CEP112: variants seen among roughly 807,000 people sequenced by gnomAD.
CEP112 encodes centrosomal protein 112, also known as centrosomal protein of 112 kDa.
A neutral mutation model predicts 153.0 loss-of-function variants in CEP112; 127 were observed. The ratio of observed to expected loss-of-function variants is 0.83; its 90% CI spans 0.72 to 0.96. The LOEUF is 0.96. Ranked by LOEUF, CEP112 falls within the 40% of genes least tolerant of loss-of-function variation. The pLI is 0.00. For synonymous variants in CEP112, 358 were observed against 374.4 expected, an observed-to-expected ratio of 0.96 and a Z score of 0.51; for missense variants, 1,089 against 1,101.2, an observed-to-expected ratio of 0.99 and a Z score of 0.16.
At chr17:65,925,930 C>G (rs1430893785) in intron 19 of CEP112, among the ~76,000 whole-genome samples, 5 of 152,104 alleles carry the variant, frequency 3.3e-5, no homozygotes, top group Non-Finnish European at 7.4e-5. Flanking sequence ...CTTTTTTGTT[C>G]TAAGCCACTG....
chr17:65,639,593 G>T (rs1250493432), intron 25 of CEP112, among the ~76,000 whole-genome samples: 1 of 151,034 alleles, frequency 6.6e-6, no homozygotes, highest in Non-Finnish European at 1.5e-5. Context: ...GCAGAGGCAG[G>T]AGAATCGCTT....
At chr17:65,821,772 G>A (rs1199714882) in intron 21 of CEP112, among the ~76,000 whole-genome samples, 4 of 150,130 alleles carry the variant, frequency 2.7e-5, no homozygotes, top group Admixed American at 6.7e-5. Flanking sequence ...GGCTGTTCTC[G>A]AACTCCTGAC....
chr17:66,144,788 T>C (rs1190417951), intron 4 of CEP112, among the ~76,000 whole-genome samples: 1 of 152,216 alleles, frequency 6.6e-6, no homozygotes, highest in African/African-American at 2.4e-5. Flanking sequence ...TTTATGGACA[T>C]TTAGATTGTT....
intron 23 of CEP112, among the ~76,000 whole-genome samples, chr17:65,737,512 G>C (rs781137049): frequency 7.9e-5 from 12 of 152,182 alleles, no homozygotes; most frequent in Non-Finnish European, 1.5e-4. Context: ...CTGAGGAAAG[G>C]ACTTCAGAGA....
chr17:66,006,235 CG>C (rs1340947397), intron 16 of CEP112, among the ~76,000 whole-genome samples: 2 of 152,014 alleles, frequency 1.3e-5, no homozygotes, highest in East Asian at 3.9e-4. Context: ...CCCCACTCCC[CG>C]CACCATGCCT....
At chr17:65,694,456 T>C (rs746788306) in intron 23 of CEP112, among the ~76,000 whole-genome samples, 1 of 152,234 alleles carries the variant, frequency 6.6e-6, no homozygotes, top group Non-Finnish European at 1.5e-5. Context: ...TCAAATTACA[T>C]TTGCTTTTCA....
chr17:65,808,462 G>T (rs903491796), intron 21 of CEP112, among the ~76,000 whole-genome samples: 1 of 152,130 alleles, frequency 6.6e-6, no homozygotes, highest in African/African-American at 2.4e-5. Context: ...GGAGGGGTCA[G>T]GGATAGAATG....
At chr17:65,719,883 G>A in intron 23 of CEP112, among the ~76,000 whole-genome samples, 1 of 152,218 alleles carries the variant, frequency 6.6e-6, no homozygotes, top group East Asian at 1.9e-4. Context: ...AGGGCCGTGG[G>A]GACCCAGTGA....
chr17:65,783,615 T>C (rs1233244304), intron 21 of CEP112, among the ~76,000 whole-genome samples: 1 of 152,240 alleles, frequency 6.6e-6, no homozygotes, highest in Non-Finnish European at 1.5e-5. Context: ...AGAGTGTATC[T>C]AGTTTTCCAG....
At chr17:66,000,179 C>G (rs2063962945) in intron 17 of CEP112, among the ~76,000 whole-genome samples, 1 of 151,968 alleles carries the variant, frequency 6.6e-6, no homozygotes, top group Non-Finnish European at 1.5e-5. Flanking sequence ...CTAATTTACA[C>G]TCCCAACAGT....
intron 21 of CEP112, among the ~76,000 whole-genome samples, chr17:65,836,285 T>C (rs537275931): frequency 1.3e-5 from 2 of 152,328 alleles, no homozygotes; most frequent in South Asian, 2.1e-4. Context: ...AACTCTTTCC[T>C]ATCAATAATA....
At chr17:65,932,352 C>A (rs1316820948) in intron 18 of CEP112, among the ~76,000 whole-genome samples, 3 of 151,598 alleles carry the variant, frequency 2.0e-5, no homozygotes, top group Non-Finnish European at 2.9e-5. Flanking sequence ...ACAAAGATTA[C>A]AAAAAAAATC....
intron 21 of CEP112, among the ~76,000 whole-genome samples, chr17:65,825,857 A>T (rs1040277645): frequency 2.6e-5 from 4 of 152,200 alleles, no homozygotes; most frequent in African/African-American, 9.6e-5. Flanking sequence ...AGAAAATGCC[A>T]TTAGCTCACA....
chr17:65,718,431 A>AT (rs1017845675), intron 23 of CEP112, among the ~76,000 whole-genome samples: 2 of 151,454 alleles, frequency 1.3e-5, no homozygotes, highest in African/African-American at 4.9e-5. Flanking sequence ...AAAATTTACT[A>AT]TTTTTTCTGT....
chr17:65,708,101 C>T (rs2049003429), intron 23 of CEP112, among the ~76,000 whole-genome samples: 1 of 152,072 alleles, frequency 6.6e-6, no homozygotes, highest in African/African-American at 2.4e-5. Context: ...AACCAAACAT[C>T]TAAAGCTTAA....
chr17:65,835,012 C>T (rs2057244957), intron 21 of CEP112, among the ~76,000 whole-genome samples: 1 of 151,964 alleles, frequency 6.6e-6, no homozygotes, highest in African/African-American at 2.4e-5. Flanking sequence ...TACTATGCAG[C>T]CATAAAAGAA....
intron 21 of CEP112, among the ~76,000 whole-genome samples, chr17:65,845,400 A>G (rs1219157980): frequency 6.6e-6 from 1 of 152,238 alleles, no homozygotes; most frequent in Non-Finnish European, 1.5e-5. Context: ...TTTTCAAAGA[A>G]TTTCAAATGA....
intron 8 of CEP112, among the ~76,000 whole-genome samples, chr17:66,084,965 A>G (rs2067862447): frequency 6.6e-6 from 1 of 152,190 alleles, no homozygotes; most frequent in Admixed American, 6.5e-5. Context: ...AAAATTCAAA[A>G]TTAATTTTAA....
chr17:65,736,321 C>T (rs1437565818), intron 23 of CEP112, among the ~76,000 whole-genome samples: 2 of 152,080 alleles, frequency 1.3e-5, no homozygotes, highest in Admixed American at 1.3e-4. Flanking sequence ...AGAAGAAGAG[C>T]AGGCTGGGGC....
Sources: gnomAD v4.1 joint callset for allele counts (sites outside exome capture counted in the v4.1 genomes callset) on GRCh38, gnomAD v4.1.1 for gene constraint, MANE v1.5 for transcripts, NCBI Gene and HGNC (gene_info 2026-07-23, HGNC 2026-07-21) for gene names.